The following AFAP1L1 variants were observed in gnomAD, a reference collection of about 807,000 sequenced individuals.
The protein encoded by AFAP1L1 is actin filament associated protein 1 like 1, also known as actin filament-associated protein 1-like 1.
Under a neutral mutation model 99.8 loss-of-function variants are expected in AFAP1L1, and 77 were observed. The observed-to-expected ratio is 0.77, with a 90% CI of 0.64 to 0.93. AFAP1L1 has a LOEUF of 0.93. AFAP1L1 is among the 40% of genes least tolerant of loss of function. The probability of loss-of-function intolerance (pLI) is 0.00; values close to 1 mark genes in which losing one functional copy is unlikely to be tolerated. For synonymous variants in AFAP1L1, 373 were observed against 395.3 expected, an observed-to-expected ratio of 0.94 and a Z score of 0.67; for missense variants, 893 against 996.8, an observed-to-expected ratio of 0.90 and a Z score of 1.40.
At chr5:149,302,736 T>C (rs1756270910) in intron 5 of AFAP1L1, 1 of 490,040 alleles carries the variant, frequency 2.0e-6, no homozygotes, top group East Asian at 3.4e-5. Flanking sequence ...GGCTGGGGGC[T>C]TAGGTTCTAG....
In AFAP1L1 at chr5:149,271,900, C is replaced by T. The variant is rs1397974593; in HGVS notation, c.-69C>T. 1 of 1,166,610 alleles carries T rather than the reference C, an allele frequency of 8.6e-7. No individual in the cohort carries two copies. The allele number at this position is 1,166,610 out of a possible 1,614,324, so 72.3% of individuals were successfully genotyped here. A position where few individuals can be genotyped will look rare whatever the true frequency, so the allele number is the denominator to read the frequency against. ...TGGGCTGGCCTGAGAGCGCAGCGCG[C>T]CGGCCGCTACCAGCCGCGCCGGAGC... On this transcript the variant is annotated 5_prime_UTR_variant, in exon 1 of 19. Transcript: ENST00000296721.
rs755246902 is a variant in AFAP1L1, at chr5:149,319,637, G to A, written c.1535G>A (p.Gly512Asp). 6.2e-6 allele frequency: 10 copies of A among 1,613,098 alleles called. No individual in the cohort carries two copies. The highest frequency in any genetic ancestry group is 2.7e-5 in the African/African-American group (2 of 74,876). ...CTCGGGCTGCTGCTGGTGGAGATGG[G>A]CTCCAGAGTCACTCCGGAGGCGCTG... Reference protein sequence around the residue: ...RWLGLLLVEMGSRVTPEALHY... With the variant: ...RWLGLLLVEMDSRVTPEALHY... Residue 512 changes from glycine (G) to aspartate (D), a missense_variant, in exon 13 of 19, where the codon GGC (glycine) becomes GAC (aspartate). Transcript: ENST00000296721.
chr5:149,321,161 C>T (rs529322413), intron 14 of AFAP1L1, among the ~76,000 whole-genome samples: 2 of 152,374 alleles, frequency 1.3e-5, no homozygotes, highest in African/African-American at 2.4e-5. Context: ...GCATGACACA[C>T]TGAGTTTTCA....
intron 15 of AFAP1L1, among the ~76,000 whole-genome samples, chr5:149,323,619 A>G (rs1407787670): frequency 6.6e-6 from 1 of 152,216 alleles, no homozygotes; most frequent in Admixed American, 6.5e-5. Flanking sequence ...TTTCTGTATT[A>G]TAGCTCCATT....
intron 5 of AFAP1L1, among the ~76,000 whole-genome samples, chr5:149,303,614 T>A (rs993043252): frequency 8.5e-5 from 13 of 152,198 alleles, no homozygotes; most frequent in African/African-American, 3.1e-4. Flanking sequence ...TTTTATTATG[T>A]CATTGAAAAT....
At chr5:149,315,297 C>T (rs963117523) in intron 9 of AFAP1L1, among the ~76,000 whole-genome samples, 35 of 152,110 alleles carry the variant, frequency 2.3e-4, no homozygotes, top group Non-Finnish European at 4.6e-4. Flanking sequence ...CACCAGGTCC[C>T]GCCATGACTG....
chr5:149,301,297 T>G, intron 4 of AFAP1L1, 67 bp downstream of exon 4: 26 of 1,485,964 alleles, frequency 1.7e-5, no homozygotes, highest in Non-Finnish European at 2.2e-5. Flanking sequence ...AGGGAAGCTC[T>G]CCCCTTCCCA....
chr5:149,286,176 T>C (rs1313306551), intron 1 of AFAP1L1, among the ~76,000 whole-genome samples: 3 of 152,158 alleles, frequency 2.0e-5, no homozygotes, highest in African/African-American at 4.8e-5. Flanking sequence ...ATCATCAGCT[T>C]GGCATGCATC....
chr5:149,284,574 T>G (rs1183713938), intron 1 of AFAP1L1, among the ~76,000 whole-genome samples: 3 of 152,216 alleles, frequency 2.0e-5, no homozygotes, highest in African/African-American at 4.8e-5. Flanking sequence ...CTCTGACACT[T>G]TCACCCTCGC....
At chr5:149,299,774 C>T in intron 2 of AFAP1L1, 137 bp downstream of exon 2, 2 of 1,367,616 alleles carry the variant, frequency 1.5e-6, no homozygotes, top group Non-Finnish European at 2.0e-6. Flanking sequence ...AAGGCTAAGC[C>T]CTGGACACAG....
At chr5:149,287,623 G>A (rs147833089) in intron 1 of AFAP1L1, among the ~76,000 whole-genome samples, 30 of 151,948 alleles carry the variant, frequency 2.0e-4, no homozygotes, top group East Asian at 7.7e-4. Context: ...TCACACTGTC[G>A]CCCAGGCTGG....
At chr5:149,303,367 G>A (rs1440310276) in intron 5 of AFAP1L1, among the ~76,000 whole-genome samples, 1 of 152,170 alleles carries the variant, frequency 6.6e-6, no homozygotes, top group African/African-American at 2.4e-5. Context: ...GCAACACATG[G>A]ACGTTCTTTT....
intron 8 of AFAP1L1, among the ~76,000 whole-genome samples, chr5:149,311,263 G>C (rs995735200): frequency 2.6e-5 from 4 of 152,214 alleles, no homozygotes; most frequent in Non-Finnish European, 5.9e-5. Flanking sequence ...AGGGAAAGAA[G>C]GGAGAGAACC....
At chr5:149,322,108 A>T (rs1561681306) in intron 14 of AFAP1L1, among the ~76,000 whole-genome samples, 1 of 152,152 alleles carries the variant, frequency 6.6e-6, no homozygotes, top group Non-Finnish European at 1.5e-5. Flanking sequence ...ATCATATTTA[A>T]CTCATGGTTT....
chr5:149,313,968 C>A (rs1408383709), intron 9 of AFAP1L1, among the ~76,000 whole-genome samples: 2 of 152,184 alleles, frequency 1.3e-5, no homozygotes, highest in Non-Finnish European at 2.9e-5. Context: ...GGAGAGCCCA[C>A]CAGCCTATTA....
intron 16 of AFAP1L1, among the ~76,000 whole-genome samples, chr5:149,330,554 A>G (rs904702069): frequency 1.8e-4 from 28 of 152,218 alleles, no homozygotes; most frequent in African/African-American, 6.8e-4. Flanking sequence ...GAGCCTATCC[A>G]TAGATTGCCT....
rs6882738 is a variant in AFAP1L1, at chr5:149,317,647, C to T, written c.1268-82C>T. On this transcript the variant is annotated intron_variant, in intron 11 of 18. Transcript: ENST00000296721. ...TGACCAGGACCCCGAGGCCTTCTTTCCAGCAGACACATGGAGCCGCCTTGC... is the reference window on the plus strand; with the variant it reads ...TGACCAGGACCCCGAGGCCTTCTTTTCAGCAGACACATGGAGCCGCCTTGC... The T allele has an allele frequency of 6.7e-3, 10,018 of 1,484,410 alleles. 558 individuals are homozygous for T. In the African/African-American group the frequency reaches 0.12, roughly 18 times the overall value. The allele number at this position is 1,484,410 out of a possible 1,614,324, so 92.0% of individuals were successfully genotyped here. A position where few individuals can be genotyped will look rare whatever the true frequency, so the allele number is the denominator to read the frequency against.
chr5:149,311,496 G>C (rs1339321390), intron 8 of AFAP1L1, among the ~76,000 whole-genome samples: 1 of 152,186 alleles, frequency 6.6e-6, no homozygotes, highest in Non-Finnish European at 1.5e-5. Flanking sequence ...TGTAACTCAG[G>C]GCTTACAAGG....
At chr5:149,272,198 A>C (rs528732568) in intron 1 of AFAP1L1, among the ~76,000 whole-genome samples, 1 of 152,118 alleles carries the variant, frequency 6.6e-6, no homozygotes, top group Non-Finnish European at 1.5e-5. Context: ...CCTGGGGCCA[A>C]CTCGCCTCTC....
Sources: gnomAD v4.1 joint callset for allele counts (sites outside exome capture counted in the v4.1 genomes callset) on GRCh38, gnomAD v4.1.1 for gene constraint, MANE v1.5 for transcripts, NCBI Gene and HGNC (gene_info 2026-07-23, HGNC 2026-07-21) for gene names.